The following TTC6 variants were observed in gnomAD, a reference collection of about 807,000 sequenced individuals.
The protein encoded by TTC6 is tetratricopeptide repeat protein 6.
Under a neutral mutation model 210.4 loss-of-function variants are expected in TTC6, and 172 were observed. The observed-to-expected ratio is 0.82, with a 90% CI of 0.72 to 0.93. The LOEUF is 0.93. Among genes scored for constraint, TTC6 ranks in the 40% least tolerant of loss-of-function variants. The pLI, the probability that TTC6 is intolerant of heterozygous loss-of-function variation, is 0.00. For synonymous variants in TTC6, 804 were observed against 819.6 expected, an observed-to-expected ratio of 0.98 and a Z score of 0.32; for missense variants, 2,414 against 2,318.1, an observed-to-expected ratio of 1.04 and a Z score of -0.85.
intron 1 of TTC6, among the ~76,000 whole-genome samples, chr14:37,645,940 C>G: frequency 6.6e-6 from 1 of 152,060 alleles, no homozygotes; most frequent in East Asian, 1.9e-4. Flanking sequence ...AATATAACAC[C>G]CTTTTTGTAA....
At chr14:37,837,353 C>T (rs995461869) in intron 29 of TTC6, 2 of 452,346 alleles carry the variant, frequency 4.4e-6, no homozygotes, top group Non-Finnish European at 8.9e-6. Context: ...TGGAGTCTTT[C>T]CCTTGACTCA....
chr14:37,619,837 T>C (rs148905578), upstream of TTC6, among the ~76,000 whole-genome samples: 363 of 152,170 alleles, frequency 2.4e-3, 2 homozygotes, highest in Admixed American at 4.3e-3. Flanking sequence ...TTCAAATGAA[T>C]TCAGAATTAC....
intron 4 of TTC6, among the ~76,000 whole-genome samples, chr14:37,700,248 C>T (rs995857779): frequency 1.3e-4 from 20 of 152,062 alleles, no homozygotes; most frequent in African/African-American, 4.8e-4. Context: ...TGGCCAATAG[C>T]CAGTAATGTT....
intron 10 of TTC6, among the ~76,000 whole-genome samples, chr14:37,746,623 G>A (rs575075112): frequency 1.3e-5 from 2 of 152,300 alleles, no homozygotes; most frequent in Admixed American, 6.5e-5. Context: ...GGTGAGGCCA[G>A]CAGCCACCAA....
At chr14:37,630,907 G>GTTTTTTTTTTTGTTTT (rs2095668331) in intron 1 of TTC6, among the ~76,000 whole-genome samples, 3 of 33,064 alleles carry the variant, frequency 9.1e-5, no homozygotes, top group Non-Finnish European at 5.1e-5. Flanking sequence ...GGCAACCCCT[G>GTTTTTTTTTTTGTTTT]TTTTTTTTTT....
intron 5 of TTC6, among the ~76,000 whole-genome samples, chr14:37,708,899 G>A (rs1286113509): frequency 1.3e-5 from 2 of 152,012 alleles, no homozygotes; most frequent in East Asian, 3.9e-4. Flanking sequence ...AAGCTTTGCA[G>A]TCTCTGAATA....
At chr14:37,725,053 A>C in intron 7 of TTC6, 51 bp downstream of exon 9, 1 of 1,042,230 alleles carries the variant, frequency 9.6e-7, no homozygotes, top group Non-Finnish European at 1.3e-6. Flanking sequence ...ATTATTTAAT[A>C]AATAAATTGT....
chr14:37,821,716 A>G (rs1172170495), intron 26 of TTC6, among the ~76,000 whole-genome samples: 1 of 150,750 alleles, frequency 6.6e-6, no homozygotes, highest in Non-Finnish European at 1.5e-5. Flanking sequence ...TTCAAAATGA[A>G]TTCTTTCTCA....
intron 1 of TTC6, among the ~76,000 whole-genome samples, chr14:37,603,157 G>A (rs1158299233): frequency 6.6e-6 from 1 of 152,182 alleles, no homozygotes; most frequent in African/African-American, 2.4e-5. Flanking sequence ...CGGACCTGGC[G>A]TTAGGATTGG....
Position 37,598,798 on chromosome 14 carries a change from G to T in TTC6, c.-235+2790G>T, listed in dbSNP as rs35358691. On this transcript the variant is annotated intron_variant, in intron 1 of 2. Coordinates refer to the TTC6 transcript ENST00000556845. The surrounding 1 kb of genome is among the most constrained non-coding windows in gnomAD (Gnocchi z 4.9). ...CGGTGCCCATTCGAGTCTCTCCAGG[G>T]CTTCCCTCTGTGGCTGTCCCTCGCC... 2.6e-5 allele frequency among the ~76,000 whole-genome samples: 4 copies of T among 152,164 alleles called. No individual in the cohort carries two copies. Among genetic ancestry groups the T allele is most frequent in the African/African-American group, 7.2e-5 (3 of 41,426 alleles).
In TTC6 at chr14:37,622,826, G is replaced by A. The variant is rs2095653979; in HGVS notation, c.762G>A (p.Trp254Ter). 2 of 1,533,970 alleles carry A rather than the reference G, an allele frequency of 1.3e-6. No individual in the cohort carries two copies. The highest frequency in any genetic ancestry group is 8.7e-7 in the Non-Finnish European group (1 of 1,145,836). Residue 254 changes from tryptophan (W) to a stop codon, truncating the protein, a stop_gained, in exon 1 of 31, where the codon TGG becomes TGA. Transcript: ENST00000553443. LOFTEE classifies it high-confidence loss of function. ...GAGCCCAGGGAGAACAGGAGAGCTG[G>A]CCGCCCAGCGACGCGCGGGAGGCCG...
chr14:37,602,191 C>T (rs912458742), intron 1 of TTC6, among the ~76,000 whole-genome samples: 13 of 152,224 alleles, frequency 8.5e-5, no homozygotes, highest in Non-Finnish European at 1.5e-4. Flanking sequence ...TCGGTACCGG[C>T]CTCTTAGCTG....
At chr14:37,655,288 A>G (rs984652124) in intron 1 of TTC6, among the ~76,000 whole-genome samples, 2 of 152,342 alleles carry the variant, frequency 1.3e-5, no homozygotes, top group East Asian at 3.9e-4. Flanking sequence ...TAGAAGAGCA[A>G]AAACAAAAAA....
intron 25 of TTC6, among the ~76,000 whole-genome samples, chr14:37,816,952 AGGGGCCACTG>A (rs2096143485): frequency 6.6e-6 from 1 of 152,060 alleles, no homozygotes; most frequent in Non-Finnish European, 1.5e-5. Flanking sequence ...GCCTCTTCCT[AGGGGCCACTG>A]GGATCCTTCC....
intron 29 of TTC6, among the ~76,000 whole-genome samples, chr14:37,833,023 A>G (rs1595334382): frequency 7.0e-6 from 1 of 143,576 alleles, no homozygotes; most frequent in Non-Finnish European, 1.5e-5. Context: ...GTGTCACTGC[A>G]CTCTGGCCTG....
At chr14:37,766,809 T>G (rs1382681177) in intron 14 of TTC6, among the ~76,000 whole-genome samples, 1 of 152,282 alleles carries the variant, frequency 6.6e-6, no homozygotes, top group South Asian at 2.1e-4. Flanking sequence ...TTTTTATTTT[T>G]TATTATTATA....
chr14:37,604,760 CT>C (rs2095621952), intron 1 of TTC6, among the ~76,000 whole-genome samples: 1 of 152,096 alleles, frequency 6.6e-6, no homozygotes, highest in Non-Finnish European at 1.5e-5. Context: ...TTGGGGAGAA[CT>C]GAGATGAGAA....
chr14:37,604,082 C>T (rs75999875), intron 1 of TTC6, among the ~76,000 whole-genome samples: 9,210 of 152,294 alleles, frequency 0.06, 406 homozygotes, highest in Non-Finnish European at 0.091. Flanking sequence ...GCCTCCTGTG[C>T]TTTGCCTTCT....
At chr14:37,796,556 A>G (rs1346170765) in intron 19 of TTC6, among the ~76,000 whole-genome samples, 186 bp downstream of exon 21, 1 of 152,034 alleles carries the variant, frequency 6.6e-6, no homozygotes, top group Non-Finnish European at 1.5e-5. Context: ...GTGAGAGAGA[A>G]TTTTTATGGG....
Sources: allele counts gnomAD v4.1 joint callset (sites outside exome capture counted in the v4.1 genomes callset), GRCh38; gene constraint gnomAD v4.1.1; non-coding constraint Gnocchi (gnomAD v3.1); transcripts MANE v1.5; gene names NCBI Gene and HGNC (gene_info 2026-07-23, HGNC 2026-07-21).